Variants in PLCZ1 observed in about 807,000 individuals in gnomAD.
PLCZ1 encodes the protein phospholipase C zeta 1.
A neutral mutation model predicts 76.8 loss-of-function variants in PLCZ1; 64 were observed. That is an observed-to-expected ratio of 0.83 (90% confidence interval 0.68 to 1.03). The LOEUF (loss-of-function observed/expected upper bound fraction) is 1.03. PLCZ1 is among the 50% of genes least tolerant of loss of function. The pLI is 0.00. For missense variants in PLCZ1, 751 were observed against 713.7 expected (o/e 1.05, Z -0.60); for synonymous variants, 248 against 230.8 (o/e 1.07, Z -0.68).
chr12:18,718,593 G>T (rs1958233984), intron 5 of PLCZ1, among the ~76,000 whole-genome samples: 1 of 151,754 alleles, frequency 6.6e-6, no homozygotes, highest in Non-Finnish European at 1.5e-5. Context: ...CTTCCCACTA[G>T]ATGTTTCTAA....
At chr12:18,645,990 T>A in the PLCZ1 span, among the ~76,000 whole-genome samples, 1 of 152,096 alleles carries the variant, frequency 6.6e-6, no homozygotes, top group East Asian at 1.9e-4. Context: ...GGAGAATAGT[T>A]CAGACAGCTC....
At chr12:18,734,898 C>T (rs1189102855) in intron 3 of PLCZ1, among the ~76,000 whole-genome samples, 1 of 152,110 alleles carries the variant, frequency 6.6e-6, no homozygotes, top group Non-Finnish European at 1.5e-5. Context: ...TAGCTGTAAG[C>T]TTTTCATATA....
chr12:18,668,773 G>A, the PLCZ1 span, among the ~76,000 whole-genome samples: 1 of 152,118 alleles, frequency 6.6e-6, no homozygotes, highest in African/African-American at 2.4e-5. Flanking sequence ...TGGGAATGCT[G>A]CCTGCTGATA....
At chr12:18,736,797 A>G (rs1013518420) in intron 2 of PLCZ1, 1 of 657,278 alleles carries the variant, frequency 1.5e-6, no homozygotes. Context: ...GCCACCGAAC[A>G]CAGTTTCTGC....
intron 5 of PLCZ1, among the ~76,000 whole-genome samples, chr12:18,713,373 G>A (rs1957572189): frequency 6.6e-6 from 1 of 152,108 alleles, no homozygotes; most frequent in Admixed American, 6.5e-5. Flanking sequence ...CCATTCAAAA[G>A]TGATAATGTT....
intron 13 of PLCZ1, among the ~76,000 whole-genome samples, chr12:18,687,715 T>C (rs1953372662): frequency 6.6e-6 from 1 of 152,058 alleles, no homozygotes; most frequent in African/African-American, 2.4e-5. Flanking sequence ...TATAAAAATA[T>C]ATAATATGCT....
the PLCZ1 span, among the ~76,000 whole-genome samples, chr12:18,648,879 A>T: frequency 6.6e-6 from 1 of 152,120 alleles, no homozygotes; most frequent in Non-Finnish European, 1.5e-5. Context: ...AAATTTTTTA[A>T]TCTTGCCATT....
At chr12:18,669,115 G>T in the PLCZ1 span, among the ~76,000 whole-genome samples, 2 of 152,138 alleles carry the variant, frequency 1.3e-5, no homozygotes, top group African/African-American at 4.8e-5. Flanking sequence ...ATAAACAACA[G>T]TTCATTTAAG....
intron 7 of PLCZ1, among the ~76,000 whole-genome samples, 176 bp downstream of exon 7, chr12:18,704,990 T>A (rs1956425138): frequency 6.6e-6 from 1 of 152,102 alleles, no homozygotes; most frequent in Non-Finnish European, 1.5e-5. Flanking sequence ...TCGAAATATA[T>A]TCACCTAAGC....
intron 4 of PLCZ1, among the ~76,000 whole-genome samples, chr12:18,721,041 G>A (rs183274932): frequency 1.2e-3 from 185 of 152,128 alleles, no homozygotes; most frequent in South Asian, 3.7e-3. Context: ...ATAAATTTAG[G>A]AAGATAGAAG....
chr12:18,654,460 A>G, the PLCZ1 span, among the ~76,000 whole-genome samples: 1 of 152,184 alleles, frequency 6.6e-6, no homozygotes, highest in African/African-American at 2.4e-5. Flanking sequence ...CAAAACTGGA[A>G]TAGATCTTTC....
intron 3 of PLCZ1, among the ~76,000 whole-genome samples, chr12:18,728,779 T>C (rs1958890689): frequency 6.6e-6 from 1 of 152,062 alleles, no homozygotes; most frequent in Non-Finnish European, 1.5e-5. Context: ...GAGAAAGAAA[T>C]GTAAAGGATT....
intron 14 of PLCZ1, 148 bp from the exon 15 acceptor site, chr12:18,683,472 C>T (rs1952631133): frequency 1.4e-6 from 2 of 1,458,758 alleles, no homozygotes; most frequent in Non-Finnish European, 1.9e-6. Flanking sequence ...TATTAATCTT[C>T]CACAAAAATT....
chr12:18,726,270 G>A (rs749144652), intron 3 of PLCZ1, among the ~76,000 whole-genome samples: 7 of 152,172 alleles, frequency 4.6e-5, no homozygotes, highest in South Asian at 4.2e-4. Flanking sequence ...AAAATGTTTC[G>A]TATTAATCAT....
downstream of PLCZ1, among the ~76,000 whole-genome samples, chr12:18,678,735 A>G (rs961036757): frequency 2.6e-5 from 4 of 152,086 alleles, no homozygotes; most frequent in East Asian, 5.8e-4. Context: ...TTTGTTGTCT[A>G]TTCACCTGTT....
the PLCZ1 span, among the ~76,000 whole-genome samples, chr12:18,670,389 C>T: frequency 6.6e-6 from 1 of 152,034 alleles, no homozygotes; most frequent in African/African-American, 2.4e-5. Context: ...AGAGCTAGAA[C>T]ATAGATATTG....
At chr12:18,653,601 GA>G in the PLCZ1 span, among the ~76,000 whole-genome samples, 1 of 152,116 alleles carries the variant, frequency 6.6e-6, no homozygotes, top group African/African-American at 2.4e-5. Context: ...ATGCTATTTT[GA>G]AGTGGTTTTA....
intron 2 of PLCZ1, chr12:18,736,814 G>A (rs969253623): frequency 1.8e-6 from 1 of 558,340 alleles, no homozygotes; most frequent in Non-Finnish European, 3.1e-6. Flanking sequence ...CTGCTACTTA[G>A]TGTTCAATAA....
the PLCZ1 span, among the ~76,000 whole-genome samples, chr12:18,650,033 A>T: frequency 1.3e-5 from 2 of 151,998 alleles, no homozygotes; most frequent in Admixed American, 1.3e-4. Context: ...TCATCTGAAT[A>T]CTGATGATTC....
Sources: allele counts gnomAD v4.1 joint callset (sites outside exome capture counted in the v4.1 genomes callset), GRCh38; gene constraint gnomAD v4.1.1; transcripts MANE v1.5; gene names NCBI Gene and HGNC (gene_info 2026-07-23, HGNC 2026-07-21).